Variants in TFCP2L1 observed in about 807,000 individuals in gnomAD.
TFCP2L1 encodes transcription factor CP2-like protein 1.
A neutral mutation model predicts 72.2 loss-of-function variants in TFCP2L1; 12 were observed. The ratio of observed to expected loss-of-function variants is 0.17; its 90% CI spans 0.11 to 0.27. The LOEUF is 0.27. TFCP2L1 is among the 10% of genes least tolerant of loss of function. TFCP2L1 has a pLI of 1.00. For synonymous variants in TFCP2L1, 260 were observed against 251.0 expected (o/e 1.04, Z -0.34); for missense variants, 488 against 624.6 (o/e 0.78, Z 2.33).
At chr2:121,235,693 T>A (rs1318444782) in intron 10 of TFCP2L1, among the ~76,000 whole-genome samples, 1 of 151,392 alleles carries the variant, frequency 6.6e-6, no homozygotes, top group South Asian at 2.1e-4. Context: ...GTACTGGGAT[T>A]ACAGACATGA....
At chr2:121,234,860 C>T (rs1686211616) in intron 11 of TFCP2L1, among the ~76,000 whole-genome samples, 1 of 152,204 alleles carries the variant, frequency 6.6e-6, no homozygotes, top group African/African-American at 2.4e-5. Context: ...AGCCCCAAGT[C>T]CACAGCTCCC....
chr2:121,275,573 T>G (rs1229656628), intron 2 of TFCP2L1, among the ~76,000 whole-genome samples: 2 of 147,642 alleles, frequency 1.4e-5, no homozygotes, highest in South Asian at 2.2e-4. Context: ...TAAGTCTTTT[T>G]TTTTTTTTTT....
At chr2:121,283,388 C>A (rs1043569634) in intron 1 of TFCP2L1, among the ~76,000 whole-genome samples, 3 of 152,200 alleles carry the variant, frequency 2.0e-5, no homozygotes, top group Non-Finnish European at 4.4e-5. Flanking sequence ...TATGCACAAA[C>A]CGCCACCTTG....
Position 121,225,584 on chromosome 2 carries a change from A to G in TFCP2L1, c.1371T>C (p.Cys457=), listed in dbSNP as rs1171345779. 13 of 1,614,148 alleles carry G rather than the reference A, an allele frequency of 8.1e-6. No individual in the cohort carries two copies. The highest frequency in any genetic ancestry group is 1.0e-5 in the Non-Finnish European group (12 of 1,180,026). Residue 457 remains cysteine (C), a synonymous_variant, in exon 14 of 15, where the codon TGT becomes TGC. Coordinates refer to ENST00000263707, the MANE Select transcript of TFCP2L1 (RefSeq NM_014553.3). The stretch of plus-strand genomic sequence containing the variant: ...CACCTTTAATTGTGCTGAGGACAAA[A>G]CAGGATTCATCTTGGAAGTTCTGCA... ...EMVQNFQDES[C]FVLSTIKAES...
intron 13 of TFCP2L1, among the ~76,000 whole-genome samples, chr2:121,226,972 C>G (rs1470842317): frequency 1.3e-5 from 2 of 152,188 alleles, no homozygotes; most frequent in African/African-American, 4.8e-5. Flanking sequence ...ACACCAAACT[C>G]CTACCAGCCC....
intron 13 of TFCP2L1, among the ~76,000 whole-genome samples, chr2:121,226,081 C>T (rs34402378): frequency 0.26 from 22,070 of 85,880 alleles, 6,707 homozygotes; most frequent in Non-Finnish European, 0.42. Flanking sequence ...CACGGGAACA[C>T]GGTAAACACC....
chr2:121,249,629 C>A lies in TFCP2L1; in HGVS notation c.233G>T (p.Arg78Leu). Residue 78 changes from arginine to leucine, a missense_variant, in exon 3 of 15, where the codon CGA becomes CTA. This residue lies in a region of TFCP2L1 where 129 missense variants were observed against 236.0 expected (regional missense o/e 0.55). Transcript: ENST00000263707. ...TCCCAGCTTCCGATTCTCCAGTAGT[C>A]GGATTTCATAAGACTGACCTGGATG... ...YLNQGQSYEI[R>L]LLENRKLGDF... 1.2e-6 allele frequency: 2 copies of A among 1,614,194 alleles called. No homozygotes were observed. The highest frequency in any genetic ancestry group is 1.7e-6 in the Non-Finnish European group (2 of 1,180,036).
rs1685885212 is a variant in TFCP2L1 at position 121,219,156 on chromosome 2, A to G, written c.*5185T>C. On this transcript the variant is annotated 3_prime_UTR_variant, in exon 15 of 15. Coordinates refer to ENST00000263707, the MANE Select transcript of TFCP2L1 (RefSeq NM_014553.3). ...GGGGGCCTTGCCCAGTGCCACTTAC[A>G]CTGTCTAGAAAAGCTAAGGCCACCA... The G allele has an allele frequency of 6.6e-6, 1 of 152,244 alleles. No individual in the cohort carries two copies. Among genetic ancestry groups the G allele is most frequent in the South Asian group, 2.1e-4 (1 of 4,832 alleles). 9.4% of individuals were successfully genotyped at this position (152,244 alleles called of 1,614,324 possible).
At chr2:121,229,213 G>A (rs1006547592) in intron 13 of TFCP2L1, among the ~76,000 whole-genome samples, 2 of 151,964 alleles carry the variant, frequency 1.3e-5, no homozygotes, top group East Asian at 1.9e-4. Flanking sequence ...CACCATGCCC[G>A]GACTGCATGT....
At position 121,237,802 on chromosome 2, in the gene TFCP2L1, G is replaced by T; in HGVS notation, c.909C>A (p.Asp303Glu). ...HPVEALPVGSDHLLPSASIQD... is the reference protein window; with the variant it reads ...HPVEALPVGSEHLLPSASIQD... ...CAGAAAGCCCTGCTCAGACACTTAC[G>T]TCACTGCCCACGGGCAGGGCCTCCA... The change falls in exon 9 of 15, where the codon GAC (aspartate) becomes GAA (glutamate). Residue 303 changes from aspartate (D) to glutamate (E), a missense_variant and splice_region_variant. By Grantham distance (45) the Asp-to-Glu change is conservative. Coordinates refer to ENST00000263707, the MANE Select transcript of TFCP2L1 (RefSeq NM_014553.3). 6.2e-7 allele frequency: 1 copy of T among 1,614,122 alleles called. No individual in the cohort carries two copies. The highest frequency in any genetic ancestry group is 2.2e-5 in the East Asian group (1 of 44,870).
chr2:121,275,034 A>AT (rs1342231130), intron 2 of TFCP2L1, among the ~76,000 whole-genome samples: 2 of 152,088 alleles, frequency 1.3e-5, no homozygotes, highest in Non-Finnish European at 2.9e-5. Context: ...TACACTGTAT[A>AT]TTTTTTCCAG....
chr2:121,246,665 T>G (rs1686493112), intron 6 of TFCP2L1, among the ~76,000 whole-genome samples, 153 bp downstream of exon 6: 1 of 152,148 alleles, frequency 6.6e-6, no homozygotes, highest in Middle Eastern at 3.4e-3. Flanking sequence ...TTGAAGCTCG[T>G]GTGCATTAGA....
intron 13 of TFCP2L1, among the ~76,000 whole-genome samples, chr2:121,229,328 AAAG>A (rs1686095743): frequency 6.6e-6 from 1 of 152,204 alleles, no homozygotes; most frequent in South Asian, 2.1e-4. Flanking sequence ...TTCCAGGAGA[AAAG>A]AAGGGGGAGG....
intron 6 of TFCP2L1, among the ~76,000 whole-genome samples, chr2:121,245,427 C>T (rs1412298493): frequency 6.6e-6 from 1 of 152,160 alleles, no homozygotes; most frequent in Admixed American, 6.5e-5. Context: ...TTTGTGACAG[C>T]AGCAATAGGA....
intron 8 of TFCP2L1, 52 bp downstream of exon 8, chr2:121,239,506 A>C: frequency 6.3e-7 from 1 of 1,591,618 alleles, no homozygotes; most frequent in Non-Finnish European, 8.6e-7. Flanking sequence ...AAGAAAGGAA[A>C]GTACACCTGC....
chr2:121,231,168 A>C (rs1686135871), intron 13 of TFCP2L1, among the ~76,000 whole-genome samples: 1 of 152,236 alleles, frequency 6.6e-6, no homozygotes, highest in Non-Finnish European at 1.5e-5. Flanking sequence ...CTATGCATAC[A>C]CTTAAAACAA....
intron 6 of TFCP2L1, among the ~76,000 whole-genome samples, chr2:121,245,259 T>G (rs918115468): frequency 1.3e-5 from 2 of 152,084 alleles, no homozygotes; most frequent in African/African-American, 4.8e-5. Context: ...AGGAATGGCT[T>G]TGGAAGCTGG....
intron 2 of TFCP2L1, among the ~76,000 whole-genome samples, chr2:121,255,597 GGTCT>G (rs1426147384): frequency 6.6e-6 from 1 of 152,176 alleles, no homozygotes; most frequent in Non-Finnish European, 1.5e-5. Context: ...GATCAAACCT[GGTCT>G]GTCTGACGCC....
At chr2:121,277,096 A>G (rs1157889040) in intron 2 of TFCP2L1, among the ~76,000 whole-genome samples, 2 of 152,220 alleles carry the variant, frequency 1.3e-5, no homozygotes, top group Non-Finnish European at 2.9e-5. Flanking sequence ...CCTTATCCAT[A>G]AAACATAAAC....
Sources: gnomAD v4.1 joint callset for allele counts (sites outside exome capture counted in the v4.1 genomes callset) on GRCh38, gnomAD v4.1.1 for gene constraint, gnomAD v4.1.1 regional missense constraint, MANE v1.5 for transcripts, NCBI Gene and HGNC (gene_info 2026-07-23, HGNC 2026-07-21) for gene names.